KIAA1328: variants seen among roughly 807,000 people sequenced by gnomAD.
KIAA1328 encodes protein hinderin.
In KIAA1328, 52 loss-of-function variants were observed where a neutral mutation model predicts 68.1. The ratio of observed to expected loss-of-function variants is 0.76; its 90% CI spans 0.61 to 0.96. The LOEUF (loss-of-function observed/expected upper bound fraction) is 0.96, where lower values mean the gene tolerates loss of function less well. KIAA1328 is among the 40% of genes least tolerant of loss of function. The pLI, the probability that KIAA1328 is intolerant of heterozygous loss-of-function variation, is 0.00. For missense variants in KIAA1328, 641 were observed against 677.6 expected (o/e 0.95, Z 0.60); for synonymous variants, 232 against 239.4 (o/e 0.97, Z 0.28).
At chr18:37,122,947 G>A (rs1249249658) in intron 7 of KIAA1328, among the ~76,000 whole-genome samples, 2 of 152,100 alleles carry the variant, frequency 1.3e-5, no homozygotes, top group African/African-American at 2.4e-5. Context: ...GACCTGTTAG[G>A]GTATTGAAGT....
chr18:37,035,226 A>T (rs1384168842), intron 6 of KIAA1328, among the ~76,000 whole-genome samples: 4 of 152,212 alleles, frequency 2.6e-5, no homozygotes, highest in Non-Finnish European at 5.9e-5. Flanking sequence ...ATCCATCATG[A>T]TGCTAGAAGG....
chr18:36,899,795 T>C (rs2048978855), intron 5 of KIAA1328, among the ~76,000 whole-genome samples: 1 of 151,992 alleles, frequency 6.6e-6, no homozygotes, highest in Admixed American at 6.6e-5. Context: ...ATTTTCTATA[T>C]TTGAATTCCT....
At chr18:36,917,770 ACT>A (rs1478488750) in intron 5 of KIAA1328, among the ~76,000 whole-genome samples, 3 of 151,706 alleles carry the variant, frequency 2.0e-5, no homozygotes, top group Non-Finnish European at 2.9e-5. Flanking sequence ...GTCATCCTTA[ACT>A]CTGTTTTCTG....
chr18:37,231,503 G>A (rs893466836), downstream of KIAA1328: 3 of 152,362 alleles, frequency 2.0e-5, no homozygotes, highest in African/African-American at 7.2e-5. Flanking sequence ...TGCCAAGAGG[G>A]AGGTCCTTGG....
At chr18:37,078,082 T>C (rs1399015050) in intron 7 of KIAA1328, among the ~76,000 whole-genome samples, 1 of 152,156 alleles carries the variant, frequency 6.6e-6, no homozygotes, top group African/African-American at 2.4e-5. Flanking sequence ...CAAAGTATAC[T>C]ACAAGGCTGC....
intron 6 of KIAA1328, among the ~76,000 whole-genome samples, chr18:37,040,083 T>C (rs2055187411): frequency 6.6e-6 from 1 of 152,182 alleles, no homozygotes; most frequent in African/African-American, 2.4e-5. Context: ...CTTCTTATGC[T>C]TCAAATCTCA....
chr18:36,840,613 G>A (rs1246278199), intron 3 of KIAA1328, among the ~76,000 whole-genome samples: 2 of 151,920 alleles, frequency 1.3e-5, no homozygotes, highest in East Asian at 1.9e-4. Flanking sequence ...GCACTACCAT[G>A]CCCAGATGAT....
At position 37,223,922 on chromosome 18, in the gene KIAA1328, A is replaced by G; in HGVS notation, c.*1695A>G. The G allele has an allele frequency of 1.0e-6, 1 of 983,558 alleles. No homozygotes were observed. The highest frequency in any genetic ancestry group is 1.1e-4 in the East Asian group (1 of 8,804). 60.9% of individuals were successfully genotyped at this position (983,558 alleles called of 1,614,324 possible). On this transcript the variant is annotated 3_prime_UTR_variant, in exon 10 of 10. Coordinates refer to ENST00000280020, the MANE Select transcript of KIAA1328 (RefSeq NM_020776.3). ...AAGTCAAGACTAACTAGTTATAATC[A>G]TTCCCTTAAAAAGTTGGAAAATCAT...
chr18:36,913,740 A>C (rs980078347), intron 5 of KIAA1328, among the ~76,000 whole-genome samples: 3 of 152,148 alleles, frequency 2.0e-5, no homozygotes, highest in African/African-American at 7.2e-5. Context: ...TTACAATGGC[A>C]TGTGTATTTC....
chr18:37,018,436 A>T (rs1001749605), intron 6 of KIAA1328, among the ~76,000 whole-genome samples: 2 of 152,000 alleles, frequency 1.3e-5, no homozygotes, highest in African/African-American at 2.4e-5. Context: ...TCTGACTATT[A>T]TATACCTTGG....
At chr18:37,084,130 A>G (rs323295) in intron 7 of KIAA1328, 482,018 of 1,459,874 alleles carry the variant, frequency 0.33, 85,626 homozygotes, top group African/African-American at 0.64. Flanking sequence ...TACAGGTTAA[A>G]AGCTCAGGCT....
At chr18:37,023,339 C>T (rs185977064) in intron 6 of KIAA1328, among the ~76,000 whole-genome samples, 6 of 152,312 alleles carry the variant, frequency 3.9e-5, no homozygotes, top group Non-Finnish European at 8.8e-5. Flanking sequence ...CTCAGCCCCC[C>T]AAGTAGCTGG....
intron 9 of KIAA1328, among the ~76,000 whole-genome samples, chr18:37,188,669 G>A (rs2154216970): frequency 6.6e-6 from 1 of 152,276 alleles, no homozygotes; most frequent in East Asian, 1.9e-4. Context: ...GTAAGTTTAT[G>A]CCTCACCACA....
intron 7 of KIAA1328, among the ~76,000 whole-genome samples, chr18:37,116,726 C>T (rs1043516198): frequency 5.3e-5 from 8 of 152,140 alleles, no homozygotes; most frequent in African/African-American, 1.2e-4. Flanking sequence ...GAACAGGCAA[C>T]CTACAGAATG....
intron 5 of KIAA1328, among the ~76,000 whole-genome samples, chr18:36,895,376 G>C (rs753068024): frequency 6.6e-6 from 1 of 152,166 alleles, no homozygotes; most frequent in Non-Finnish European, 1.5e-5. Context: ...TGAAGGCCAC[G>C]AGGAAAAGGA....
intron 9 of KIAA1328, among the ~76,000 whole-genome samples, chr18:37,184,129 C>T (rs1407399316): frequency 6.6e-6 from 1 of 152,054 alleles, no homozygotes; most frequent in African/African-American, 2.4e-5. Flanking sequence ...TTTAACTTAC[C>T]AGTTCATGAC....
chr18:36,848,414 A>G (rs2047097487), intron 4 of KIAA1328, among the ~76,000 whole-genome samples: 1 of 151,142 alleles, frequency 6.6e-6, no homozygotes, highest in Non-Finnish European at 1.5e-5. Context: ...TTGGCTTGGT[A>G]TCCTTCAACC....
At chr18:37,005,737 T>C (rs891456466) in intron 6 of KIAA1328, among the ~76,000 whole-genome samples, 10 of 152,048 alleles carry the variant, frequency 6.6e-5, no homozygotes, top group African/African-American at 2.2e-4. Flanking sequence ...GTAAAGAAAA[T>C]GTAGTATATC....
intron 4 of KIAA1328, among the ~76,000 whole-genome samples, chr18:36,845,570 G>T (rs2150815215): frequency 6.6e-6 from 1 of 151,626 alleles, no homozygotes; most frequent in East Asian, 1.9e-4. Flanking sequence ...TGCAGACTGA[G>T]AATAAAACGC....
Sources: allele counts gnomAD v4.1 joint callset (sites outside exome capture counted in the v4.1 genomes callset), GRCh38; gene constraint gnomAD v4.1.1; transcripts MANE v1.5; gene names NCBI Gene and HGNC (gene_info 2026-07-23, HGNC 2026-07-21).